The following CDK8 variants were observed in gnomAD, a reference collection of about 807,000 sequenced individuals.
The protein encoded by CDK8 is cyclin dependent kinase 8, also known as cyclin-dependent kinase 8.
A neutral mutation model predicts 71.5 loss-of-function variants in CDK8; 29 were observed. The observed-to-expected ratio is 0.41, with a 90% CI of 0.30 to 0.55. The LOEUF (loss-of-function observed/expected upper bound fraction) is 0.55, where lower values mean the gene tolerates loss of function less well. Ranked by LOEUF, CDK8 falls within the 20% of genes least tolerant of loss-of-function variation. The pLI is 0.37. For synonymous variants in CDK8, 161 were observed against 192.1 expected, an observed-to-expected ratio of 0.84 and a Z score of 1.34; for missense variants, 288 against 572.6, an observed-to-expected ratio of 0.50 and a Z score of 5.07.
chr13:26,281,608 C>G (rs1872750632), intron 1 of CDK8, among the ~76,000 whole-genome samples: 1 of 152,314 alleles, frequency 6.6e-6, no homozygotes, highest in South Asian at 2.1e-4. Context: ...AAAGACCACA[C>G]TAGCTCCCCA....
chr13:26,285,410 A>T (rs1087061), intron 1 of CDK8, among the ~76,000 whole-genome samples: 144,125 of 152,296 alleles, frequency 0.95, 68,242 homozygotes, highest in East Asian at 1. Context: ...CAAAAATCAA[A>T]GATCGTATCA....
At chr13:26,319,172 A>G (rs1211779881) in intron 1 of CDK8, among the ~76,000 whole-genome samples, 1 of 152,224 alleles carries the variant, frequency 6.6e-6, no homozygotes, top group African/African-American at 2.4e-5. Context: ...AATAGCATCA[A>G]AAAGAATAAA....
chr13:26,341,950 C>G (rs560844913), intron 2 of CDK8, among the ~76,000 whole-genome samples: 1 of 151,556 alleles, frequency 6.6e-6, no homozygotes, highest in African/African-American at 2.4e-5. Flanking sequence ...GAGACGAAGT[C>G]TCGCTCTTTC....
chr13:26,255,541 A>G (rs994809481), intron 1 of CDK8, among the ~76,000 whole-genome samples: 17 of 152,172 alleles, frequency 1.1e-4, no homozygotes, highest in Non-Finnish European at 2.4e-4. Context: ...AATGCTTCCA[A>G]TTTAGTTTCT....
chr13:26,349,011 G>T, intron 2 of CDK8, 61 bp from the exon 3 acceptor site: 3 of 960,994 alleles, frequency 3.1e-6, no homozygotes, highest in Non-Finnish European at 5.1e-6. Context: ...TACAAATGGT[G>T]TGGGGTTTTT....
intron 1 of CDK8, among the ~76,000 whole-genome samples, chr13:26,320,283 C>T (rs1032310500): frequency 6.6e-6 from 1 of 151,746 alleles, no homozygotes; most frequent in Non-Finnish European, 1.5e-5. Context: ...TGGTAGTACA[C>T]ACCTGTAGTT....
chr13:26,286,106 A>G (rs142057368), intron 1 of CDK8, among the ~76,000 whole-genome samples: 7 of 152,324 alleles, frequency 4.6e-5, no homozygotes, highest in South Asian at 4.1e-4. Context: ...TACAGATTCA[A>G]TGCAATTCCC....
chr13:26,341,627 A>G lies in CDK8; in HGVS notation c.204+3985A>G, dbSNP rs182052409. ...TGAAGTTTTAATGTTAGAATGCAATATAGTTTTGTGAATATTAGGCTTTTT... is the reference window on the plus strand; with the variant it reads ...TGAAGTTTTAATGTTAGAATGCAATGTAGTTTTGTGAATATTAGGCTTTTT... On this transcript the variant is annotated intron_variant, in intron 2 of 12. Transcript: ENST00000381527. Among the ~76,000 whole-genome samples, 23 of 152,326 alleles carry G rather than the reference A, an allele frequency of 1.5e-4. No homozygotes were observed. The East Asian group carries it at 4.4e-3, about 29-fold the overall frequency.
Position 26,254,584 on chromosome 13 carries a change from T to TGC in CDK8, c.-58_-57insGC. On this transcript the variant is annotated 5_prime_UTR_variant, in exon 1 of 13. Transcript: ENST00000381527. The surrounding 1 kb of genome is among the most constrained non-coding windows in gnomAD (Gnocchi z 6.7). ...GCTGCGGCTGCCCGTGCTTCCCCGG[T>TGC]CCCCACCCCTGCCCCCCGGCCCCCC... 1 of 1,291,276 alleles carries TGC rather than the reference T, an allele frequency of 7.7e-7. No individual in the cohort carries two copies. The highest frequency in any genetic ancestry group is 1.1e-6 in the Non-Finnish European group (1 of 938,086). 80.0% of individuals were successfully genotyped at this position (1,291,276 alleles called of 1,614,324 possible). A position where few individuals can be genotyped will look rare whatever the true frequency, so the allele number is the denominator to read the frequency against.
intron 4 of CDK8, among the ~76,000 whole-genome samples, chr13:26,364,847 A>G (rs1337185282): frequency 6.6e-6 from 1 of 152,172 alleles, no homozygotes; most frequent in Admixed American, 6.5e-5. Flanking sequence ...AAGGACCCTG[A>G]AATTACCCAT....
chr13:26,353,698 C>G, intron 3 of CDK8, 42 bp from the exon 4 acceptor site: 1 of 1,459,588 alleles, frequency 6.9e-7, no homozygotes, highest in Non-Finnish European at 9.4e-7. Flanking sequence ...ATTATCTTTT[C>G]CTTTTTTTAA....
chr13:26,319,762 A>G (rs935918432), intron 1 of CDK8, among the ~76,000 whole-genome samples: 1 of 151,818 alleles, frequency 6.6e-6, no homozygotes, highest in Admixed American at 6.6e-5. Context: ...ACATATTCAC[A>G]ACAGTCTTGA....
chr13:26,300,286 C>G (rs1873768737), intron 1 of CDK8, among the ~76,000 whole-genome samples: 1 of 151,912 alleles, frequency 6.6e-6, no homozygotes, highest in African/African-American at 2.4e-5. Context: ...ATCTGATAAC[C>G]AAGACAGCTA....
chr13:26,371,900 G>A (rs1423338463), intron 4 of CDK8, among the ~76,000 whole-genome samples: 2 of 152,132 alleles, frequency 1.3e-5, no homozygotes, highest in African/African-American at 4.8e-5. Flanking sequence ...TTACGAGCAT[G>A]AGCTACCGTG....
intron 1 of CDK8, among the ~76,000 whole-genome samples, chr13:26,270,299 G>T (rs765086643): frequency 6.6e-6 from 1 of 151,342 alleles, no homozygotes; most frequent in Admixed American, 6.6e-5. Flanking sequence ...TGAGGCAGGA[G>T]AATCATTTGA....
chr13:26,327,096 G>A (rs1041249454), intron 1 of CDK8, among the ~76,000 whole-genome samples: 19 of 152,206 alleles, frequency 1.2e-4, no homozygotes, highest in African/African-American at 4.3e-4. Flanking sequence ...TCAATTTGAA[G>A]TAGTTATTGT....
At chr13:26,374,776 T>C in intron 4 of CDK8, among the ~76,000 whole-genome samples, 1 of 152,194 alleles carries the variant, frequency 6.6e-6, no homozygotes, top group Middle Eastern at 3.2e-3. Context: ...ATATGAGATA[T>C]ACATTGCTTT....
intron 1 of CDK8, among the ~76,000 whole-genome samples, chr13:26,265,352 G>A (rs1871975893): frequency 1.3e-5 from 2 of 152,116 alleles, no homozygotes; most frequent in African/African-American, 4.8e-5. Flanking sequence ...GAAAATTGTA[G>A]GTTGCCATGG....
At position 26,254,648 on chromosome 13, in the gene CDK8, T is replaced by A. The variant is rs755326167; in HGVS notation, c.7T>A (p.Tyr3Asn). 2 of 1,598,202 alleles carry A rather than the reference T, an allele frequency of 1.3e-6. No homozygotes were observed. Residue 3 changes from tyrosine to asparagine, a missense_variant, in exon 1 of 13, where the codon TAT becomes AAT. Physicochemically the swap from Tyr to Asn is moderately radical, Grantham distance 143 (BLOSUM62 -2). Around this residue, in one of 6 missense-constraint regions of CDK8, gnomAD observed 19 missense variants for 24.4 expected, o/e 0.78. Coordinates refer to ENST00000381527, the MANE Select transcript of CDK8 (RefSeq NM_001260.3). This position sits in a 1 kb window ranked among gnomAD's most constrained non-coding sequence, Gnocchi z 6.7. Reference protein sequence around the residue: MDYDFKVKLSSER... With the variant: MDNDFKVKLSSER... ...GGCCTCAGAGGCTGTGACAATGGAC[T>A]ATGACTTTAAAGTGAAGCTGAGCAG...
Sources: allele counts gnomAD v4.1 joint callset (sites outside exome capture counted in the v4.1 genomes callset), GRCh38; gene constraint gnomAD v4.1.1; regional missense constraint gnomAD v4.1.1; non-coding constraint Gnocchi (gnomAD v3.1); transcripts MANE v1.5; gene names NCBI Gene and HGNC (gene_info 2026-07-23, HGNC 2026-07-21).